ARHGAP21: variants seen among roughly 807,000 people sequenced by gnomAD.
The protein encoded by ARHGAP21 is Rho GTPase activating protein 21.
Under a neutral mutation model 164.6 loss-of-function variants are expected in ARHGAP21, and 38 were observed. The ratio of observed to expected loss-of-function variants is 0.23; its 90% CI spans 0.18 to 0.30. The LOEUF (loss-of-function observed/expected upper bound fraction) is 0.30. Among genes scored for constraint, ARHGAP21 ranks in the 10% least tolerant of loss-of-function variants. The pLI, the probability that ARHGAP21 is intolerant of heterozygous loss-of-function variation, is 1.00. For missense variants in ARHGAP21, 1,822 were observed against 2,370.7 expected (o/e 0.77, Z 4.81); for synonymous variants, 766 against 857.9 (o/e 0.89, Z 1.87).
intron 2 of ARHGAP21, among the ~76,000 whole-genome samples, chr10:24,676,129 T>C (rs1026878700): frequency 1.3e-5 from 2 of 151,992 alleles, no homozygotes; most frequent in South Asian, 4.1e-4. Flanking sequence ...CTGGGCAACA[T>C]AGAGAGAGAC....
intron 2 of ARHGAP21, among the ~76,000 whole-genome samples, chr10:24,670,806 A>C (rs1271721282): frequency 6.6e-6 from 1 of 152,222 alleles, no homozygotes; most frequent in Non-Finnish European, 1.5e-5. Flanking sequence ...ACCTTATCAG[A>C]TAGTCCAACA....
Position 24,597,555 on chromosome 10 carries a change from G to C in ARHGAP21, c.3226C>G (p.Arg1076Gly), listed in dbSNP as rs757997943. Reference protein sequence around the residue: ...SKAEQLPKTPRQSLSIRQTLL... With the variant: ...SKAEQLPKTPGQSLSIRQTLL... ...GTTTGCCTGATGCTGAGACTCTGGC[G>C]AGGTGTTTTTGGCAACTGTTCTGCT... is the stretch of plus-strand genomic sequence containing the variant. The change falls in exon 16 of 26, where the codon CGC becomes GGC. Residue 1076 changes from arginine (R) to glycine (G), a missense_variant. Coordinates refer to ENST00000396432, the MANE Select transcript of ARHGAP21 (RefSeq NM_020824.4). The C allele has an allele frequency of 3.7e-6, 6 of 1,613,932 alleles. No individual in the cohort carries two copies. The highest frequency in any genetic ancestry group is 5.1e-6 in the Non-Finnish European group (6 of 1,179,980).
chr10:24,659,101 G>A (rs1034532837), intron 4 of ARHGAP21, among the ~76,000 whole-genome samples: 1 of 152,180 alleles, frequency 6.6e-6, no homozygotes, highest in East Asian at 1.9e-4. Flanking sequence ...CATAGAAATG[G>A]TATAGCCACT....
chr10:24,645,674 T>C (rs10828683), intron 4 of ARHGAP21, among the ~76,000 whole-genome samples: 74,644 of 151,736 alleles, frequency 0.49, 18,633 homozygotes, highest in Middle Eastern at 0.55. Context: ...TACATGAAAT[T>C]GTTGTAGGAT....
At chr10:24,706,100 T>A (rs1412666336) in intron 2 of ARHGAP21, among the ~76,000 whole-genome samples, 2 of 152,224 alleles carry the variant, frequency 1.3e-5, no homozygotes, top group East Asian at 3.8e-4. Flanking sequence ...CATATTTCAC[T>A]AAAACTGAAA....
chr10:24,670,859 T>A (rs1840631909), intron 2 of ARHGAP21, among the ~76,000 whole-genome samples: 1 of 152,144 alleles, frequency 6.6e-6, no homozygotes, highest in Non-Finnish European at 1.5e-5. Context: ...GTCTTCAGGT[T>A]CTGAGCACGA....
At chr10:24,708,574 G>A (rs1412625367) in intron 2 of ARHGAP21, among the ~76,000 whole-genome samples, 1 of 152,092 alleles carries the variant, frequency 6.6e-6, no homozygotes, top group African/African-American at 2.4e-5. Flanking sequence ...TCATTCACCT[G>A]CTCCCACTCT....
At chr10:24,671,119 G>T (rs1471701887) in intron 2 of ARHGAP21, among the ~76,000 whole-genome samples, 4 of 151,918 alleles carry the variant, frequency 2.6e-5, no homozygotes, top group African/African-American at 9.7e-5. Flanking sequence ...ATCACCCCAT[G>T]TTCTCACTTT....
chr10:24,671,631 C>T (rs1257752985), intron 2 of ARHGAP21, among the ~76,000 whole-genome samples: 3 of 152,088 alleles, frequency 2.0e-5, no homozygotes, highest in Non-Finnish European at 4.4e-5. Flanking sequence ...ACAATTCTCC[C>T]CTCTCTCTTT....
chr10:24,604,391 A>G lies in ARHGAP21; in HGVS notation c.2685-43T>C, dbSNP rs768740112. Reference sequence around the variant, plus strand: ...TATAAATATTTTCAATTAGTGCAAAAAAAATCTTAAAGATGTAAGAATAAT... The same window carrying G: ...TATAAATATTTTCAATTAGTGCAAAGAAAATCTTAAAGATGTAAGAATAAT... On this transcript the variant is annotated intron_variant, in intron 11 of 25. Transcript: ENST00000396432. 5.1e-6 allele frequency: 7 copies of G among 1,364,706 alleles called. No homozygotes were observed. In the African/African-American group the frequency reaches 8.8e-5, roughly 17 times the overall value. The allele number at this position is 1,364,706 out of a possible 1,614,324, so 84.5% of individuals were successfully genotyped here.
intron 2 of ARHGAP21, among the ~76,000 whole-genome samples, chr10:24,671,909 T>G (rs912595572): frequency 2.1e-5 from 3 of 143,314 alleles, no homozygotes; most frequent in Non-Finnish European, 4.6e-5. Context: ...TTTTTTTTTT[T>G]TGTAGAGACA....
chr10:24,627,405 C>T (rs930286464), intron 7 of ARHGAP21, among the ~76,000 whole-genome samples: 2 of 152,142 alleles, frequency 1.3e-5, no homozygotes, highest in African/African-American at 4.8e-5. Flanking sequence ...ATGTTAGAGA[C>T]AGAAAATTAT....
intron 3 of ARHGAP21, among the ~76,000 whole-genome samples, chr10:24,668,735 C>G (rs1366271866): frequency 6.6e-6 from 1 of 151,852 alleles, no homozygotes; most frequent in East Asian, 1.9e-4. Context: ...CATAAAGTTG[C>G]AGTTTCCAAA....
chr10:24,611,189 A>G (rs1408002988), intron 9 of ARHGAP21, among the ~76,000 whole-genome samples: 3 of 152,184 alleles, frequency 2.0e-5, no homozygotes, highest in Admixed American at 2.0e-4. Flanking sequence ...CTCTCAATCC[A>G]CAGAGACTGG....
rs1267180516 is a variant in ARHGAP21, at chr10:24,584,919, G to A, written c.5370C>T (p.Ala1790=). 21 of 1,613,790 alleles carry A rather than the reference G, an allele frequency of 1.3e-5. 2 individuals carry two copies. Among genetic ancestry groups the A allele is most frequent in the Middle Eastern group, 1.7e-4 (1 of 6,056 alleles). ...MFGVGNHKVN[A]ETAKRKSIRR... is the part of the protein sequence containing the mutation. ...GGATGCTTTTCCTTTTAGCAGTCTC[G>A]GCATTCACTTTGTGATTCCCTACTC... The change falls in exon 26 of 26, where the codon GCC becomes GCT. Residue 1790 remains alanine (A), a synonymous_variant. Transcript: ENST00000396432.
intron 2 of ARHGAP21, among the ~76,000 whole-genome samples, chr10:24,699,719 T>C (rs1021905916): frequency 2.0e-5 from 3 of 152,176 alleles, no homozygotes; most frequent in African/African-American, 7.2e-5. Flanking sequence ...GGAGTCTCAC[T>C]CCCTGGGCCT....
intron 2 of ARHGAP21, among the ~76,000 whole-genome samples, chr10:24,706,161 T>C (rs778668142): frequency 6.6e-6 from 1 of 152,210 alleles, no homozygotes; most frequent in Non-Finnish European, 1.5e-5. Flanking sequence ...TTCTAATAAA[T>C]ACAATGTCAG....
intron 3 of ARHGAP21, among the ~76,000 whole-genome samples, chr10:24,667,571 T>C (rs1840315559): frequency 6.6e-6 from 1 of 152,248 alleles, no homozygotes; most frequent in Non-Finnish European, 1.5e-5. Flanking sequence ...TGCCATGTTA[T>C]CTACCTCTAG....
intron 2 of ARHGAP21, among the ~76,000 whole-genome samples, chr10:24,683,021 G>A (rs767325544): frequency 8.6e-5 from 13 of 150,792 alleles, no homozygotes; most frequent in Non-Finnish European, 1.3e-4. Context: ...GCGTGAACCC[G>A]GGAGGCGGAG....
Sources: allele counts gnomAD v4.1 joint callset (sites outside exome capture counted in the v4.1 genomes callset), GRCh38; gene constraint gnomAD v4.1.1; transcripts MANE v1.5; gene names NCBI Gene and HGNC (gene_info 2026-07-23, HGNC 2026-07-21).